NRXN3: variants seen among roughly 807,000 people sequenced by gnomAD.
NRXN3 encodes neurexin 3.
In NRXN3, 32 loss-of-function variants were observed where a neutral mutation model predicts 137.6. The ratio of observed to expected loss-of-function variants is 0.23; its 90% confidence interval spans 0.18 to 0.31. The LOEUF (loss-of-function observed/expected upper bound fraction) is 0.31, where lower values mean the gene tolerates loss of function less well. Among genes scored for constraint, NRXN3 ranks in the 10% least tolerant of loss-of-function variants. NRXN3 has a pLI of 1.00. For missense variants in NRXN3, 1,574 were observed against 2,062.5 expected (o/e 0.76, Z 4.59); for synonymous variants, 798 against 784.5 (o/e 1.02, Z -0.29).
chr14:79,689,157 C>T (rs551049910), intron 17 of NRXN3, among the ~76,000 whole-genome samples: 5 of 152,134 alleles, frequency 3.3e-5, no homozygotes, highest in African/African-American at 1.2e-4. Context: ...CCATCACTTT[C>T]TGTTGAAGAA....
chr14:78,694,507 T>A (rs1339607095), intron 6 of NRXN3, among the ~76,000 whole-genome samples: 2 of 151,924 alleles, frequency 1.3e-5, no homozygotes, highest in African/African-American at 4.8e-5. Flanking sequence ...GATTGTGTCA[T>A]AAGAATTAGA....
intron 6 of NRXN3, among the ~76,000 whole-genome samples, chr14:78,670,366 G>A (rs2097923342): frequency 6.6e-6 from 1 of 152,080 alleles, no homozygotes; most frequent in Admixed American, 6.6e-5. Context: ...AGTCCTTTGG[G>A]TATATTGGCC....
chr14:78,978,337 C>T (rs1035272388), intron 14 of NRXN3, among the ~76,000 whole-genome samples: 1 of 152,012 alleles, frequency 6.6e-6, no homozygotes, highest in African/African-American at 2.4e-5. Flanking sequence ...GATTTAGGAC[C>T]CTATTCTCTG....
At position 79,690,123 on chromosome 14, in the gene NRXN3, T is replaced by C. The variant is rs146375493; in HGVS notation, c.3617-2050T>C. Among the ~76,000 whole-genome samples, 466 of 152,270 alleles carry C rather than the reference T, an allele frequency of 3.1e-3. 1 individual carries two copies. The highest frequency in any genetic ancestry group is 0.011 in the African/African-American group (442 of 41,568). On this transcript the variant is annotated intron_variant, in intron 17 of 20. Coordinates refer to ENST00000335750, the MANE Select transcript of NRXN3 (RefSeq NM_001330195.2). ...CTTTTCTCAGTATAGTATTCTGTTG[T>C]GTCTAAAACCCTAGAGGATGAATGA...
At chr14:79,821,988 A>G (rs1456450294) in intron 20 of NRXN3, among the ~76,000 whole-genome samples, 1 of 152,176 alleles carries the variant, frequency 6.6e-6, no homozygotes, top group Non-Finnish European at 1.5e-5. Context: ...CAGAAGTAGT[A>G]TGAAATTGAT....
chr14:79,522,429 T>C (rs1035969097), intron 16 of NRXN3, among the ~76,000 whole-genome samples: 1 of 152,154 alleles, frequency 6.6e-6, no homozygotes. Context: ...CAGAATTTCT[T>C]ATGTAGGAGA....
At chr14:78,982,246 T>C (rs950044619) in intron 14 of NRXN3, among the ~76,000 whole-genome samples, 1 of 152,250 alleles carries the variant, frequency 6.6e-6, no homozygotes, top group Non-Finnish European at 1.5e-5. Flanking sequence ...TTATTTTTTC[T>C]TTGTTATTTA....
chr14:79,453,857 C>T (rs1413144082), intron 15 of NRXN3, among the ~76,000 whole-genome samples: 1 of 152,132 alleles, frequency 6.6e-6, no homozygotes, highest in Non-Finnish European at 1.5e-5. Flanking sequence ...TTCATATCTG[C>T]TTCCCCTGAT....
At chr14:78,932,478 G>A (rs2099324948) in intron 10 of NRXN3, among the ~76,000 whole-genome samples, 1 of 152,172 alleles carries the variant, frequency 6.6e-6, no homozygotes, top group Admixed American at 6.5e-5. Flanking sequence ...CACAATTGAA[G>A]TAGTGGATAT....
At chr14:79,405,570 A>C (rs2095294185) in intron 15 of NRXN3, among the ~76,000 whole-genome samples, 1 of 152,168 alleles carries the variant, frequency 6.6e-6, no homozygotes, top group South Asian at 2.1e-4. Flanking sequence ...CTGATACCAC[A>C]GTCAATCCCT....
intron 19 of NRXN3, among the ~76,000 whole-genome samples, chr14:79,748,720 G>A (rs1169085115): frequency 6.6e-6 from 1 of 151,890 alleles, no homozygotes; most frequent in African/African-American, 2.4e-5. Flanking sequence ...GTTCTTTTCT[G>A]TGATTGTAAT....
intron 6 of NRXN3, among the ~76,000 whole-genome samples, chr14:78,651,925 C>T (rs1215774728): frequency 6.6e-6 from 1 of 152,144 alleles, no homozygotes; most frequent in Non-Finnish European, 1.5e-5. Flanking sequence ...CCCTGTAGTT[C>T]TATTTCCTCA....
At chr14:78,527,812 C>T (rs1412584433) in intron 4 of NRXN3, among the ~76,000 whole-genome samples, 1 of 152,164 alleles carries the variant, frequency 6.6e-6, no homozygotes, top group Non-Finnish European at 1.5e-5. Context: ...TCACTGATGA[C>T]AGGACAATAT....
At chr14:79,423,100 GA>G (rs1233024681) in intron 15 of NRXN3, among the ~76,000 whole-genome samples, 1 of 152,134 alleles carries the variant, frequency 6.6e-6, no homozygotes, top group African/African-American at 2.4e-5. Context: ...CTTCAACTCT[GA>G]ATGAACACCG....
intron 15 of NRXN3, among the ~76,000 whole-genome samples, chr14:79,248,119 C>T (rs987473396): frequency 2.0e-5 from 3 of 152,142 alleles, no homozygotes; most frequent in Non-Finnish European, 2.9e-5. Flanking sequence ...AGGCGTGAAC[C>T]GCCATGTTCA....
At chr14:79,414,366 CT>C (rs1425952604) in intron 15 of NRXN3, among the ~76,000 whole-genome samples, 15 of 152,042 alleles carry the variant, frequency 9.9e-5, no homozygotes, top group Non-Finnish European at 1.9e-4. Context: ...AATAGGGTGT[CT>C]TTTTTTGTTT....
intron 15 of NRXN3, among the ~76,000 whole-genome samples, chr14:79,118,089 G>T (rs528993342): frequency 2.6e-5 from 4 of 151,778 alleles, no homozygotes; most frequent in Admixed American, 1.3e-4. Context: ...TGGGACTGTG[G>T]CATTTCAGTA....
intron 10 of NRXN3, among the ~76,000 whole-genome samples, chr14:78,898,643 G>A (rs988794983): frequency 6.7e-6 from 1 of 150,084 alleles, no homozygotes; most frequent in African/African-American, 2.4e-5. Context: ...TAGATTCATA[G>A]TATTTTCCTC....
intron 15 of NRXN3, among the ~76,000 whole-genome samples, chr14:78,995,160 A>T (rs2099527334): frequency 6.6e-6 from 1 of 152,194 alleles, no homozygotes; most frequent in Non-Finnish European, 1.5e-5. Context: ...AAAACATAGA[A>T]CTGGGAAAGG....
Sources: allele counts gnomAD v4.1 joint callset (sites outside exome capture counted in the v4.1 genomes callset), GRCh38; gene constraint gnomAD v4.1.1; transcripts MANE v1.5; gene names NCBI Gene and HGNC (gene_info 2026-07-23, HGNC 2026-07-21).